NCAM2: variants seen among roughly 807,000 people sequenced by gnomAD.
NCAM2 encodes the protein neural cell adhesion molecule 2.
Under a neutral mutation model 98.1 loss-of-function variants are expected in NCAM2, and 30 were observed. The observed-to-expected ratio is 0.31, with a 90% CI of 0.23 to 0.41. NCAM2 has a LOEUF of 0.41. Among genes scored for constraint, NCAM2 ranks in the 10% least tolerant of loss-of-function variants. The probability of loss-of-function intolerance (pLI) is 1.00; values close to 1 mark genes in which losing one functional copy is unlikely to be tolerated. For missense variants in NCAM2, 867 were observed against 1,005.8 expected, an observed-to-expected ratio of 0.86 and a Z score of 1.87; for synonymous variants, 368 against 342.4, an observed-to-expected ratio of 1.07 and a Z score of -0.83.
At chr21:21,365,970 G>A (rs891650341) in intron 8 of NCAM2, among the ~76,000 whole-genome samples, 10 of 8,392 alleles carry the variant, frequency 1.2e-3, no homozygotes, top group South Asian at 0.017. Flanking sequence ...ACTGTTTCCC[G>A]TTTTAGGCAG....
chr21:21,116,398 A>G (rs1484290732), intron 1 of NCAM2, among the ~76,000 whole-genome samples: 4 of 152,198 alleles, frequency 2.6e-5, no homozygotes, highest in Non-Finnish European at 2.9e-5. Flanking sequence ...AGAGTTAAAT[A>G]TATATGTAGC....
At chr21:21,018,600 C>G (rs1313019236) in intron 1 of NCAM2, among the ~76,000 whole-genome samples, 1 of 151,912 alleles carries the variant, frequency 6.6e-6, no homozygotes, top group African/African-American at 2.4e-5. Flanking sequence ...TCATCGTGTC[C>G]CTTTTGAGAA....
chr21:21,281,354 C>G (rs2072923209), intron 2 of NCAM2, among the ~76,000 whole-genome samples: 1 of 152,050 alleles, frequency 6.6e-6, no homozygotes, highest in African/African-American at 2.4e-5. Context: ...GTATGGCACA[C>G]TGCACTATAG....
At chr21:21,429,892 A>G (rs1439244799) in intron 11 of NCAM2, among the ~76,000 whole-genome samples, 1 of 152,168 alleles carries the variant, frequency 6.6e-6, no homozygotes, top group Non-Finnish European at 1.5e-5. Context: ...TCACATGTGA[A>G]AGGCCGTAAA....
At chr21:21,372,963 G>A (rs763137943) in intron 8 of NCAM2, among the ~76,000 whole-genome samples, 16 of 151,672 alleles carry the variant, frequency 1.1e-4, no homozygotes, top group East Asian at 1.9e-4. Context: ...AAATAATTAC[G>A]TTTCCTTTAT....
chr21:21,383,711 C>T (rs2076206240), intron 9 of NCAM2, among the ~76,000 whole-genome samples: 1 of 152,036 alleles, frequency 6.6e-6, no homozygotes. Context: ...TATTCTACTT[C>T]TAGTACAACT....
chr21:21,036,505 G>GA (rs769151354), intron 1 of NCAM2, among the ~76,000 whole-genome samples: 17 of 152,028 alleles, frequency 1.1e-4, no homozygotes, highest in Non-Finnish European at 2.2e-4. Context: ...AGATTAACAA[G>GA]AAAAAACCAT....
In NCAM2 at chr21:21,542,589, CAGTA is replaced by C. The variant is rs1205392789; in HGVS notation, c.*4635_*4638del. On this transcript the variant is annotated 3_prime_UTR_variant, in exon 18 of 18. Transcript: ENST00000400546. ...TCTGTTTTTAGCCTCCCATGGAAGACAGTAAGCAAAACCATCACTGTTGGAGAAT... is the reference window on the plus strand; with the variant it reads ...TCTGTTTTTAGCCTCCCATGGAAGACAGCAAAACCATCACTGTTGGAGAAT... 1.3e-5 allele frequency: 2 copies of C among 151,674 alleles called. No homozygotes were observed. Among genetic ancestry groups the C allele is most frequent in the Admixed American group, 6.6e-5 (1 of 15,160 alleles). The allele number at this position is 151,674 out of a possible 1,614,324, so 9.4% of individuals were successfully genotyped here.
intron 1 of NCAM2, among the ~76,000 whole-genome samples, chr21:21,182,122 T>A (rs887455225): frequency 6.6e-6 from 1 of 152,078 alleles, no homozygotes; most frequent in African/African-American, 2.4e-5. Context: ...TTAGTAATAA[T>A]TTTGAACAAA....
At chr21:21,360,209 G>A (rs1332151428) in intron 8 of NCAM2, among the ~76,000 whole-genome samples, 2 of 151,816 alleles carry the variant, frequency 1.3e-5, no homozygotes, top group East Asian at 3.9e-4. Context: ...TAACACAGAA[G>A]TTGCAATGGA....
chr21:21,485,667 A>G (rs937660686), intron 15 of NCAM2, among the ~76,000 whole-genome samples: 2 of 152,192 alleles, frequency 1.3e-5, no homozygotes, highest in South Asian at 4.1e-4. Flanking sequence ...CCACATCTTA[A>G]CAAGTGACTT....
At position 21,425,040 on chromosome 21, in the gene NCAM2, C is replaced by CAAAAAAAAAAA. The variant is rs1192128472; in HGVS notation, c.1480+6489_1480+6499dup. On this transcript the variant is annotated intron_variant, in intron 11 of 17. Transcript: ENST00000400546. ...GACAAAAGCGGGACTCTTCCTCCTC[C>CAAAAAAAAAAA]AAAAAAAAAAAAAAAAAAAAAAAAA... Among the ~76,000 whole-genome samples the CAAAAAAAAAAA allele has an allele frequency of 5.5e-3, 241 of 43,832 alleles. 18 individuals carry two copies. The highest frequency in any genetic ancestry group is 9.5e-3 in the East Asian group (17 of 1,796). The allele number at this position is 43,832 out of a possible 152,430, so 28.8% of individuals were successfully genotyped here.
At chr21:21,434,890 T>C (rs980803786) in intron 12 of NCAM2, among the ~76,000 whole-genome samples, 3 of 152,186 alleles carry the variant, frequency 2.0e-5, no homozygotes, top group Non-Finnish European at 4.4e-5. Flanking sequence ...AAATACCTCA[T>C]GTTTCTGGTG....
At chr21:21,070,309 T>A (rs1434878803) in intron 1 of NCAM2, among the ~76,000 whole-genome samples, 1 of 150,844 alleles carries the variant, frequency 6.6e-6, no homozygotes, top group African/African-American at 2.4e-5. Context: ...AAATATGTTA[T>A]CAATTTATGG....
rs12482011 is a variant in NCAM2 at position 21,213,020 on chromosome 21, A to G, written c.56-67558A>G. On this transcript the variant is annotated intron_variant, in intron 1 of 17. Transcript: ENST00000400546. ...CTCCTGAAGTGCTGGGATTATAGGCATGAGCCACCACGCCTGACCTATCTG... is the reference window on the plus strand; with the variant it reads ...CTCCTGAAGTGCTGGGATTATAGGCGTGAGCCACCACGCCTGACCTATCTG... Among the ~76,000 whole-genome samples the G allele has an allele frequency of 5.3e-3, 811 of 152,222 alleles. 14 individuals carry two copies. The highest frequency in any genetic ancestry group is 0.033 in the Admixed American group (505 of 15,282).
chr21:21,181,533 A>C (rs2068468355), intron 1 of NCAM2, among the ~76,000 whole-genome samples: 1 of 152,096 alleles, frequency 6.6e-6, no homozygotes, highest in South Asian at 2.1e-4. Context: ...ATTTCTCTTA[A>C]AATATGAATT....
chr21:21,374,045 A>T, intron 9 of NCAM2, 32 bp downstream of exon 9: 1 of 1,587,088 alleles, frequency 6.3e-7, no homozygotes, highest in East Asian at 2.3e-5. Flanking sequence ...TTTCATTAAA[A>T]TAACTTTGCA....
intron 1 of NCAM2, among the ~76,000 whole-genome samples, chr21:21,015,424 C>A (rs1021416230): frequency 1.4e-4 from 22 of 152,266 alleles, no homozygotes; most frequent in African/African-American, 5.3e-4. Context: ...TACATGGAGG[C>A]AAGACCCTCT....
chr21:21,010,104 A>G (rs2064181292), intron 1 of NCAM2, among the ~76,000 whole-genome samples: 2 of 152,076 alleles, frequency 1.3e-5, no homozygotes, highest in African/African-American at 4.8e-5. Context: ...CACAGTTTGC[A>G]ATTAAAGAAA....
Sources: allele counts gnomAD v4.1 joint callset (sites outside exome capture counted in the v4.1 genomes callset), GRCh38; gene constraint gnomAD v4.1.1; transcripts MANE v1.5; gene names NCBI Gene and HGNC (gene_info 2026-07-23, HGNC 2026-07-21).